Variants in LIMK2 observed in about 807,000 individuals in gnomAD.
LIMK2 encodes the protein LIM domain kinase 2.
LIMK2 carries 35 observed loss-of-function variants against 75.7 expected under a neutral mutation model. That is an observed-to-expected ratio of 0.46 (90% CI 0.35 to 0.61). The LOEUF (loss-of-function observed/expected upper bound fraction) is 0.61. LIMK2 is among the 20% of genes least tolerant of loss of function. The pLI is 0.00. For synonymous variants in LIMK2, 301 were observed against 319.2 expected (o/e 0.94, Z 0.61); for missense variants, 623 against 831.0 (o/e 0.75, Z 3.08).
chr22:31,217,346 G>A (rs1425793562), intron 1 of LIMK2, among the ~76,000 whole-genome samples: 2 of 151,706 alleles, frequency 1.3e-5, no homozygotes, highest in East Asian at 1.9e-4. Context: ...GCAGTGAGCC[G>A]AGGTTGCACC....
Position 31,268,256 on chromosome 22 carries a change from T to C in LIMK2, c.1317+56T>C, listed in dbSNP as rs902547780. ...GCGAGAGTAGGGAGAGGTGTGAGAA[T>C]TGTGGGCTTCACTGGAAGGTAGAGA... is the stretch of plus-strand genomic sequence containing the variant. On this transcript the variant is annotated intron_variant, in intron 11 of 15. Transcript: ENST00000331728. The C allele has an allele frequency of 4.9e-6, 7 of 1,440,150 alleles. No homozygotes were observed. The African/African-American group carries it at 9.8e-5, about 20-fold the overall frequency. The allele number at this position is 1,440,150 out of a possible 1,614,324, so 89.2% of individuals were successfully genotyped here.
intron 11 of LIMK2, 106 bp downstream of exon 11, chr22:31,268,306 G>T: frequency 2.2e-6 from 2 of 902,154 alleles, no homozygotes; most frequent in Non-Finnish European, 3.7e-6. Flanking sequence ...ACTTGTGTGG[G>T]CTGGGTCAGC....
chr22:31,262,010 G>T lies in LIMK2; in HGVS notation c.552-124G>T. ...GAAAAGGTGTTGCCTTTCTGTGTGG[G>T]TATCCTGGGCCCCTTAGGGGCCACT... is the stretch of plus-strand genomic sequence containing the variant. On this transcript the variant is annotated intron_variant, in intron 5 of 15. Transcript: ENST00000331728. The surrounding 1 kb of genome is among the most constrained non-coding windows in gnomAD (Gnocchi z 5.0). 1 of 726,424 alleles carries T rather than the reference G, an allele frequency of 1.4e-6. No homozygotes were observed. Among genetic ancestry groups the T allele is most frequent in the Non-Finnish European group, 2.5e-6 (1 of 404,954 alleles). 45.0% of individuals were successfully genotyped at this position (726,424 alleles called of 1,614,324 possible).
chr22:31,245,090 G>A (rs529033481), intron 2 of LIMK2, among the ~76,000 whole-genome samples: 2 of 152,238 alleles, frequency 1.3e-5, no homozygotes, highest in African/African-American at 2.4e-5. Context: ...GTGAGCACCT[G>A]TTCAGTGCTT....
chr22:31,236,304 A>C (rs1438483556), intron 2 of LIMK2, among the ~76,000 whole-genome samples: 3 of 150,594 alleles, frequency 2.0e-5, no homozygotes, highest in African/African-American at 7.4e-5. Flanking sequence ...AAAAAAAAAA[A>C]AAAAAAACAA....
At chr22:31,220,308 G>T (rs1048960879) in intron 1 of LIMK2, among the ~76,000 whole-genome samples, 1 of 152,172 alleles carries the variant, frequency 6.6e-6, no homozygotes, top group Admixed American at 6.5e-5. Context: ...TAGGTAATCT[G>T]GGAGCCAGAA....
Position 31,225,712 on chromosome 22 carries a change from G to T in LIMK2, c.17-8G>T, listed in dbSNP as rs373790447. The T allele has an allele frequency of 6.2e-7, 1 of 1,612,480 alleles. No individual in the cohort carries two copies. Among genetic ancestry groups the T allele is most frequent in the Non-Finnish European group, 8.5e-7 (1 of 1,179,008 alleles). ...TTGGGCCTCTCAACCTCTTGGTTTT[G>T]TGTGCAGGTGAAGATGTCTGGAGGT... On this transcript the variant is annotated splice_region_variant and splice_polypyrimidine_tract_variant and intron_variant, in intron 1 of 15. Transcript: ENST00000331728.
In LIMK2 at chr22:31,278,717, G is replaced by T. The variant is rs1318950601; in HGVS notation, c.*276G>T. The T allele has an allele frequency of 7.0e-6, 2 of 284,096 alleles. No individual in the cohort carries two copies. The highest frequency in any genetic ancestry group is 1.3e-5 in the Non-Finnish European group (2 of 151,468). 17.6% of individuals were successfully genotyped at this position (284,096 alleles called of 1,614,324 possible). ...AAACCCCTGGCCTTTGGGCCAGGAGGAATCTGTTACTCGAATCCACCCAGG... is the reference window on the plus strand; with the variant it reads ...AAACCCCTGGCCTTTGGGCCAGGAGTAATCTGTTACTCGAATCCACCCAGG... On this transcript the variant is annotated 3_prime_UTR_variant, in exon 16 of 16. Coordinates refer to ENST00000331728, the MANE Select transcript of LIMK2 (RefSeq NM_005569.4).
At chr22:31,221,006 A>G (rs2048429145) in intron 1 of LIMK2, among the ~76,000 whole-genome samples, 1 of 152,126 alleles carries the variant, frequency 6.6e-6, no homozygotes, top group Non-Finnish European at 1.5e-5. Flanking sequence ...AAAGATAGAG[A>G]AGCTTATACA....
chr22:31,238,394 CT>C (rs1396522825), intron 2 of LIMK2, among the ~76,000 whole-genome samples: 2 of 152,152 alleles, frequency 1.3e-5, no homozygotes. Flanking sequence ...TCCTGGGATA[CT>C]TAATAACAGG....
In LIMK2 at chr22:31,272,540, TG is replaced by T; in HGVS notation, c.1396del (p.Val466TrpfsTer11). On this transcript the variant is annotated frameshift_variant, in exon 13 of 16. Transcript: ENST00000331728. LOFTEE classifies it high-confidence loss of function. ...HNCLIKLDKT[V>X]VVADFGLSRL... The stretch of plus-strand genomic sequence containing the variant: ...CTTTTATCCTACCAGGACAAGACTG[TG>T]GTGGTGGCAGACTTTGGGCTGTCAC... 6.2e-7 allele frequency: 1 copy of T among 1,612,238 alleles called. No individual in the cohort carries two copies. The highest frequency in any genetic ancestry group is 8.5e-7 in the Non-Finnish European group (1 of 1,179,428).
intron 1 of LIMK2, among the ~76,000 whole-genome samples, chr22:31,214,598 CTT>C (rs78804477): frequency 6.9e-6 from 1 of 144,122 alleles, no homozygotes. Context: ...CCATCCTCTA[CTT>C]TTTTTTTTTT....
intron 2 of LIMK2, among the ~76,000 whole-genome samples, chr22:31,238,025 G>A (rs994369069): frequency 2.7e-5 from 4 of 147,512 alleles, no homozygotes; most frequent in African/African-American, 1.0e-4. Context: ...CGAGGCAGGA[G>A]AATTGCTTGA....
At chr22:31,220,280 T>G (rs2048422679) in intron 1 of LIMK2, among the ~76,000 whole-genome samples, 2 of 152,220 alleles carry the variant, frequency 1.3e-5, no homozygotes, top group African/African-American at 4.8e-5. Context: ...GCCAGGTTTA[T>G]CCACATGAGA....
intron 1 of LIMK2, among the ~76,000 whole-genome samples, chr22:31,219,131 A>G (rs908108799): frequency 2.6e-5 from 4 of 152,218 alleles, no homozygotes; most frequent in Non-Finnish European, 5.9e-5. Context: ...TGCATAGGGT[A>G]TTAAAAATAT....
rs554059777 is a variant in LIMK2 at position 31,276,376 on chromosome 22, C to G, written c.1772+1068C>G. Among the ~76,000 whole-genome samples the G allele has an allele frequency of 2.1e-4, 32 of 152,228 alleles. No individual in the cohort carries two copies. The East Asian group carries it at 5.8e-3, about 28-fold the overall frequency. ...ATATCCCTCAACATTCTCCTCACCC[C>G]CAACTCCACCCTCCCAGGATAACCA... is the stretch of plus-strand genomic sequence containing the variant. On this transcript the variant is annotated intron_variant, in intron 15 of 15. Coordinates refer to ENST00000331728, the MANE Select transcript of LIMK2 (RefSeq NM_005569.4).
intron 11 of LIMK2, among the ~76,000 whole-genome samples, chr22:31,270,018 A>AT (rs1019941438): frequency 1.3e-5 from 2 of 151,678 alleles, no homozygotes; most frequent in African/African-American, 4.9e-5. Context: ...CTTACCAGAC[A>AT]TTTGGGGGAT....
chr22:31,247,962 C>T (rs1484726096), intron 2 of LIMK2, among the ~76,000 whole-genome samples: 1 of 151,676 alleles, frequency 6.6e-6, no homozygotes, highest in African/African-American at 2.4e-5. Flanking sequence ...GATGGCAGCT[C>T]AGAGCTAGGA....
intron 13 of LIMK2, chr22:31,273,152 G>T (rs1263470173): frequency 1.9e-6 from 1 of 520,170 alleles, no homozygotes; most frequent in Non-Finnish European, 2.5e-6. Context: ...TCAGTGAATT[G>T]CCTAGGAGCA....
Sources: allele counts gnomAD v4.1 joint callset (sites outside exome capture counted in the v4.1 genomes callset), GRCh38; gene constraint gnomAD v4.1.1; non-coding constraint Gnocchi (gnomAD v3.1); transcripts MANE v1.5; gene names NCBI Gene and HGNC (gene_info 2026-07-23, HGNC 2026-07-21).